CLCC1: variants seen among roughly 807,000 people sequenced by gnomAD.
CLCC1 encodes the protein chloride channel CLIC-like protein 1.
CLCC1 carries 39 observed loss-of-function variants against 63.3 expected under a neutral mutation model. That is an observed-to-expected ratio of 0.62 (90% CI 0.48 to 0.81). The LOEUF is 0.81. CLCC1 is among the 30% of genes least tolerant of loss of function. The pLI, the probability that CLCC1 is intolerant of heterozygous loss-of-function variation, is 0.00. For missense variants in CLCC1, 549 were observed against 669.4 expected (o/e 0.82, Z 1.98); for synonymous variants, 217 against 239.8 (o/e 0.90, Z 0.88).
intron 10 of CLCC1, among the ~76,000 whole-genome samples, chr1:108,939,255 G>A (rs906258262): frequency 7.0e-6 from 1 of 142,524 alleles, no homozygotes; most frequent in African/African-American, 2.6e-5. Context: ...AATATAGACA[G>A]ATATATAAAT....
In CLCC1 at chr1:108,931,564, T is replaced by C. The variant is rs532969537; in HGVS notation, c.*983A>G. The C allele has an allele frequency of 1.6e-5, 23 of 1,476,022 alleles. No homozygotes were observed. In the Admixed American group the frequency reaches 2.6e-4, roughly 17 times the overall value. 91.4% of individuals were successfully genotyped at this position (1,476,022 alleles called of 1,614,324 possible). A position where few individuals can be genotyped will look rare whatever the true frequency, so the allele number is the denominator to read the frequency against. The stretch of plus-strand genomic sequence containing the variant: ...TGATTTGGATGGGCAAATAGAACTA[T>C]TTCTCTAATGGCCAATGTTTTTTAA... On this transcript the variant is annotated 3_prime_UTR_variant, in exon 13 of 13. Coordinates refer to ENST00000369969, the MANE Select transcript of CLCC1 (RefSeq NM_001377458.1).
At chr1:108,936,385 G>A (rs1328153068) in intron 11 of CLCC1, among the ~76,000 whole-genome samples, 1 of 152,136 alleles carries the variant, frequency 6.6e-6, no homozygotes, top group Non-Finnish European at 1.5e-5. Context: ...GTGAGCCGCC[G>A]CGCCTGGTCC....
At chr1:108,934,002 T>A (rs1361711185) in intron 12 of CLCC1, 1 of 152,238 alleles carries the variant, frequency 6.6e-6, no homozygotes, top group Non-Finnish European at 1.5e-5. Flanking sequence ...ATAAAGTCAT[T>A]TTCAGTCGAC....
chr1:108,935,754 T>C (rs925052793), intron 11 of CLCC1, among the ~76,000 whole-genome samples: 3 of 152,114 alleles, frequency 2.0e-5, no homozygotes, highest in African/African-American at 7.2e-5. Flanking sequence ...GAGTGAGACC[T>C]TGTCTCCAAA....
chr1:108,950,489 T>C, intron 2 of CLCC1, 41 bp from the exon 3 acceptor site: 2 of 1,213,002 alleles, frequency 1.6e-6, no homozygotes, highest in Non-Finnish European at 2.2e-6. Context: ...TAGAATTATT[T>C]TTTTAAATAA....
At chr1:108,941,534 T>A in intron 7 of CLCC1, 36 bp from the exon 8 acceptor site, 1 of 1,567,690 alleles carries the variant, frequency 6.4e-7, no homozygotes, top group Non-Finnish European at 8.8e-7. Flanking sequence ...GAGAGGCCGT[T>A]ACCTATGAAG....
intron 12 of CLCC1, chr1:108,934,128 T>C (rs1352518400): frequency 6.5e-6 from 1 of 152,926 alleles, no homozygotes; most frequent in Non-Finnish European, 1.5e-5. Context: ...GCAGGCGTAG[T>C]AATAGCTGTG....
At chr1:108,961,638 T>C (rs1473505980) in intron 2 of CLCC1, among the ~76,000 whole-genome samples, 2 of 152,186 alleles carry the variant, frequency 1.3e-5, no homozygotes, top group African/African-American at 4.8e-5. Context: ...GGCGGGCGCA[T>C]CACCTGAGGT....
rs1309271581 is a variant in CLCC1 at position 108,937,414 on chromosome 1, A to C, written c.1046T>G (p.Phe349Cys). The change falls in exon 11 of 13, where the codon TTC (phenylalanine) becomes TGC (cysteine). Residue 349 changes from phenylalanine (F) to cysteine (C), a missense_variant. Transcript: ENST00000369969. The part of the protein sequence containing the change: ...LIIMALAILS[F>C]CYGAGKSVHV... Reference sequence around the variant, plus strand: ...AACTGATTTTCCAGCACCATAGCAGAAACTCTGTAAGGAAAAGAAATACAT... The same window carrying C: ...AACTGATTTTCCAGCACCATAGCAGCAACTCTGTAAGGAAAAGAAATACAT... 1.3e-6 allele frequency: 2 copies of C among 1,584,398 alleles called. No individual in the cohort carries two copies. Among genetic ancestry groups the C allele is most frequent in the Admixed American group, 3.7e-5 (2 of 54,752 alleles).
chr1:108,958,243 C>T (rs1432767999), intron 2 of CLCC1, among the ~76,000 whole-genome samples: 1 of 151,480 alleles, frequency 6.6e-6, no homozygotes, highest in Non-Finnish European at 1.5e-5. Flanking sequence ...TCTGAGGTTT[C>T]AGTTACCCAC....
At chr1:108,949,660 T>C (rs1015562636) in intron 4 of CLCC1, among the ~76,000 whole-genome samples, 160 bp downstream of exon 4, 1 of 151,928 alleles carries the variant, frequency 6.6e-6, no homozygotes, top group Non-Finnish European at 1.5e-5. Flanking sequence ...CTAGAATAAC[T>C]AATAAGAAAC....
At chr1:108,939,497 G>T in intron 10 of CLCC1, 139 bp downstream of exon 10, 1 of 598,042 alleles carries the variant, frequency 1.7e-6, no homozygotes, top group Non-Finnish European at 2.5e-6. Context: ...TTTTAGTAGA[G>T]ACAGGGTTTC....
intron 4 of CLCC1, among the ~76,000 whole-genome samples, chr1:108,949,402 C>T (rs1426240858): frequency 6.6e-6 from 1 of 152,202 alleles, no homozygotes; most frequent in Non-Finnish European, 1.5e-5. Context: ...CTATTACACA[C>T]TAAATTATAA....
chr1:108,931,688 T>C lies in CLCC1; in HGVS notation c.*859A>G. 1 of 647,058 alleles carries C rather than the reference T, an allele frequency of 1.5e-6. No homozygotes were observed. The allele number at this position is 647,058 out of a possible 1,614,324, so 40.1% of individuals were successfully genotyped here. ...ATTACATTATGTTTCATGTATACTA[T>C]AAGGTATGATGTCCTGGATAGCATT... is the stretch of plus-strand genomic sequence containing the variant. On this transcript the variant is annotated 3_prime_UTR_variant, in exon 13 of 13. Coordinates refer to ENST00000369969, the MANE Select transcript of CLCC1 (RefSeq NM_001377458.1).
At chr1:108,962,694 C>G (rs1358487275) in intron 1 of CLCC1, among the ~76,000 whole-genome samples, 1 of 152,006 alleles carries the variant, frequency 6.6e-6, no homozygotes, top group Admixed American at 6.6e-5. Flanking sequence ...CACAGGGAGA[C>G]CCCTTCTCTA....
chr1:108,960,414 A>G (rs1417535978), intron 2 of CLCC1, among the ~76,000 whole-genome samples: 6 of 152,184 alleles, frequency 3.9e-5, no homozygotes, highest in Admixed American at 2.6e-4. Flanking sequence ...AGAGGAACAA[A>G]GTCTGGAAAA....
At position 108,950,329 on chromosome 1, in the gene CLCC1, C is replaced by T; in HGVS notation, c.109G>A (p.Gly37Arg). The T allele has an allele frequency of 1.2e-6, 2 of 1,612,556 alleles. No homozygotes were observed. Among genetic ancestry groups the T allele is most frequent in the Non-Finnish European group, 1.7e-6 (2 of 1,179,312 alleles). The change falls in exon 3 of 13, where the codon GGA becomes AGA. Residue 37 changes from glycine to arginine, a missense_variant. Physicochemically the swap from Gly to Arg is moderately radical, Grantham distance 125. Transcript: ENST00000369969. ...AATACCTGAGATTTTCTCATTGTTC[C>T]TGAAGCAGCATCATAGTTAAGCATG... ...TDMLNYDAASGTMRKSQAKYG... is the reference protein window; with the variant it reads ...TDMLNYDAASRTMRKSQAKYG...
intron 10 of CLCC1, among the ~76,000 whole-genome samples, chr1:108,938,321 A>G (rs1305041522): frequency 2.0e-5 from 3 of 152,232 alleles, no homozygotes; most frequent in African/African-American, 4.8e-5. Context: ...GAGGGAGCAC[A>G]TGAAACAAAA....
rs144411491 is a variant in CLCC1 at position 108,948,484 on chromosome 1, C to T, written c.232-766G>A. 1.4e-4 allele frequency among the ~76,000 whole-genome samples: 22 copies of T among 152,214 alleles called. No individual in the cohort carries two copies. The East Asian group carries it at 3.1e-3, about 21-fold the overall frequency. On this transcript the variant is annotated intron_variant, in intron 4 of 12. Coordinates refer to ENST00000369969, the MANE Select transcript of CLCC1 (RefSeq NM_001377458.1). Reference sequence around the variant, plus strand: ...AACGGAGTGTGGACCATGAGTTGAGCGCTGAAATGCACATCAGTGGATAAA... The same window carrying T: ...AACGGAGTGTGGACCATGAGTTGAGTGCTGAAATGCACATCAGTGGATAAA...
Sources: allele counts gnomAD v4.1 joint callset (sites outside exome capture counted in the v4.1 genomes callset), GRCh38; gene constraint gnomAD v4.1.1; transcripts MANE v1.5; gene names NCBI Gene and HGNC (gene_info 2026-07-23, HGNC 2026-07-21).